MECR: variants seen among roughly 807,000 people sequenced by gnomAD.
The protein encoded by MECR is mitochondrial trans-2-enoyl-CoA reductase, also known as enoyl-[acyl-carrier-protein] reductase, mitochondrial.
In MECR, 37 loss-of-function variants were observed where a neutral mutation model predicts 49.1. The observed-to-expected ratio is 0.75, with a 90% confidence interval of 0.58 to 0.99. MECR has a LOEUF of 0.99. Among genes scored for constraint, MECR ranks in the 50% least tolerant of loss-of-function variants. The pLI is 0.00. For missense variants in MECR, 470 were observed against 479.6 expected (o/e 0.98, Z 0.19); for synonymous variants, 198 against 191.1 (o/e 1.04, Z -0.30).
chr1:29,216,050 C>CG lies in MECR; in HGVS notation c.360dup (p.Gly121ArgfsTer35). On this transcript the variant is annotated frameshift_variant, in exon 3 of 10. Transcript: ENST00000263702. LOFTEE classifies it high-confidence loss of function. ...ATCACCCAGTCTCCTGGCTTCAGCC[C>CG]GGTCACATTGCTGCCCACCGCTACC... is the stretch of plus-strand genomic sequence containing the variant. 1 of 1,614,046 alleles carries CG rather than the reference C, an allele frequency of 6.2e-7. No homozygotes were observed. The highest frequency in any genetic ancestry group is 1.1e-5 in the South Asian group (1 of 91,064).
At chr1:29,185,891 G>C in the MECR span, among the ~76,000 whole-genome samples, 1 of 152,090 alleles carries the variant, frequency 6.6e-6, no homozygotes, top group African/African-American at 2.4e-5. Context: ...GGCTGAGATG[G>C]GGGGGATCTC....
At chr1:29,222,055 G>A (rs974647335) in intron 1 of MECR, among the ~76,000 whole-genome samples, 17 of 152,084 alleles carry the variant, frequency 1.1e-4, no homozygotes, top group African/African-American at 4.1e-4. Flanking sequence ...CATTCACTAC[G>A]CTGTGTGTGC....
downstream of MECR, among the ~76,000 whole-genome samples, chr1:29,189,952 T>C (rs1673089619): frequency 6.6e-6 from 1 of 152,202 alleles, no homozygotes; most frequent in Non-Finnish European, 1.5e-5. Context: ...TACTTAGGAT[T>C]AGGTTCAGTG....
At chr1:29,228,689 T>C (rs1299809304) in intron 1 of MECR, among the ~76,000 whole-genome samples, 4 of 152,114 alleles carry the variant, frequency 2.6e-5, no homozygotes, top group East Asian at 1.9e-4. Context: ...CTTTTTTTTT[T>C]CCTAAGTGGC....
At chr1:29,192,175 G>T (rs1673158521), downstream of MECR, among the ~76,000 whole-genome samples, 1 of 152,026 alleles carries the variant, frequency 6.6e-6, no homozygotes, top group African/African-American at 2.4e-5. Flanking sequence ...AGGGCTTCAG[G>T]GTAAGCCCTG....
At chr1:29,177,512 C>T in the MECR span, among the ~76,000 whole-genome samples, 1 of 152,102 alleles carries the variant, frequency 6.6e-6, no homozygotes, top group Non-Finnish European at 1.5e-5. Context: ...GAACTTATGA[C>T]CTTGGGTGAT....
downstream of MECR, among the ~76,000 whole-genome samples, chr1:29,191,028 C>G (rs952539886): frequency 6.6e-6 from 1 of 152,142 alleles, no homozygotes; most frequent in Admixed American, 6.5e-5. Context: ...GCCTAATCTG[C>G]TCTCTTCGTC....
chr1:29,173,460 T>C, the MECR span: 1 of 117,774 alleles, frequency 8.5e-6, no homozygotes, highest in Non-Finnish European at 1.7e-5. Context: ...GTTGTTTTTT[T>C]TTTTTCTTTT....
chr1:29,207,115 G>A (rs1228092915), intron 3 of MECR, among the ~76,000 whole-genome samples: 2 of 151,996 alleles, frequency 1.3e-5, no homozygotes, highest in African/African-American at 4.8e-5. Flanking sequence ...ACAATAGATT[G>A]TTATTCTTTT....
At chr1:29,213,402 T>G (rs74561488) in intron 3 of MECR, among the ~76,000 whole-genome samples, 1 of 112,962 alleles carries the variant, frequency 8.9e-6, no homozygotes, top group Non-Finnish European at 1.8e-5. Context: ...CCTATTACTG[T>G]TTTTTTTTTT....
intron 1 of MECR, chr1:29,221,221 A>G (rs1680691358): frequency 2.0e-5 from 3 of 152,180 alleles, no homozygotes; most frequent in Admixed American, 1.3e-4. Context: ...GGAAAAAAAA[A>G]AAATCCCCTT....
At chr1:29,177,046 A>C in the MECR span, among the ~76,000 whole-genome samples, 1 of 152,252 alleles carries the variant, frequency 6.6e-6, no homozygotes, top group African/African-American at 2.4e-5. Context: ...AAAAGCTAAG[A>C]TATAAAGATC....
the MECR span, among the ~76,000 whole-genome samples, chr1:29,178,915 T>C: frequency 3.9e-5 from 6 of 152,238 alleles, no homozygotes; most frequent in South Asian, 2.1e-4. Flanking sequence ...GGAGGTCATA[T>C]TGTGTGCTGT....
At chr1:29,181,021 T>C in the MECR span, among the ~76,000 whole-genome samples, 1 of 152,184 alleles carries the variant, frequency 6.6e-6, no homozygotes. Flanking sequence ...GATAAGAAGT[T>C]AAGACTTTAA....
At chr1:29,206,950 G>T in intron 3 of MECR, 45 bp from the exon 4 acceptor site, 1 of 1,608,252 alleles carries the variant, frequency 6.2e-7, no homozygotes, top group Non-Finnish European at 8.5e-7. Flanking sequence ...GGAGCCCTGT[G>T]CACATTCAAC....
At chr1:29,211,134 A>T (rs1413309456) in intron 3 of MECR, among the ~76,000 whole-genome samples, 2 of 144,290 alleles carry the variant, frequency 1.4e-5, no homozygotes, top group Non-Finnish European at 3.0e-5. Flanking sequence ...TCTGTTGCCC[A>T]GGTTGGAGTG....
intron 2 of MECR, 22 bp from the exon 3 acceptor site, chr1:29,216,158 G>A: frequency 6.2e-7 from 1 of 1,612,938 alleles, no homozygotes; most frequent in Non-Finnish European, 8.5e-7. Context: ...GAGCATTAAA[G>A]GGTCAACCAG....
At chr1:29,216,229 G>C (rs2151896736) in intron 2 of MECR, 93 bp from the exon 3 acceptor site, 1 of 1,495,210 alleles carries the variant, frequency 6.7e-7, no homozygotes, top group East Asian at 2.3e-5. Context: ...CCTGATCTGG[G>C]CTCTGCTTTG....
At chr1:29,223,372 T>C in intron 1 of MECR, 1 of 811,744 alleles carries the variant, frequency 1.2e-6, no homozygotes, top group South Asian at 5.6e-5. Context: ...ATACTTGCTG[T>C]GTAAGGTGGG....
Sources: allele counts gnomAD v4.1 joint callset (sites outside exome capture counted in the v4.1 genomes callset), GRCh38; gene constraint gnomAD v4.1.1; transcripts MANE v1.5; gene names NCBI Gene and HGNC (gene_info 2026-07-23, HGNC 2026-07-21).